Variants in OAS2 observed in about 807,000 individuals in gnomAD.
OAS2 encodes 2'-5'-oligoadenylate synthase 2.
Under a neutral mutation model 71.3 loss-of-function variants are expected in OAS2, and 67 were observed. The observed-to-expected ratio is 0.94, with a 90% CI of 0.77 to 1.15. The LOEUF (loss-of-function observed/expected upper bound fraction) is 1.15, where lower values mean the gene tolerates loss of function less well. Among genes scored for constraint, OAS2 ranks in the 50% most tolerant of loss-of-function variants. The probability of loss-of-function intolerance (pLI) is 0.00; values close to 1 mark genes in which losing one functional copy is unlikely to be tolerated. For missense variants in OAS2, 789 were observed against 822.5 expected (o/e 0.96, Z 0.50); for synonymous variants, 327 against 321.8 (o/e 1.02, Z -0.17).
Position 113,010,567 on chromosome 12 carries a change from A to T in OAS2, c.*1312A>T. 1 of 1,549,856 alleles carries T rather than the reference A, an allele frequency of 6.5e-7. No individual in the cohort carries two copies. The highest frequency in any genetic ancestry group is 1.4e-5 in the African/African-American group (1 of 72,870). The stretch of plus-strand genomic sequence containing the variant: ...ATCCATTCTTCCCTTGATGGTCCCT[A>T]TTCCTCCTTCCCTTGCTTCTTGGAC... On this transcript the variant is annotated 3_prime_UTR_variant, in exon 10 of 10. Coordinates refer to ENST00000392583, the MANE Select transcript of OAS2 (RefSeq NM_002535.3).
intron 2 of OAS2, chr12:112,987,732 G>A (rs12425514): frequency 0.28 from 283,434 of 1,016,368 alleles, 40,293 homozygotes; most frequent in Admixed American, 0.31. Context: ...AGAGTAAGAG[G>A]ATGAGGCAGA....
Position 112,998,246 on chromosome 12 carries a change from T to A in OAS2, c.864-20T>A. On this transcript the variant is annotated intron_variant, in intron 4 of 9. Transcript: ENST00000392583. ...CACAAGCAGCTCAACTGACTTTTTT[T>A]AATCTAATGGAATACACAGGCCAGT... The A allele has an allele frequency of 2.5e-6, 4 of 1,605,074 alleles. No individual in the cohort carries two copies. The highest frequency in any genetic ancestry group is 2.5e-6 in the Non-Finnish European group (3 of 1,177,010).
At chr12:112,996,956 T>G (rs1376828923) in intron 3 of OAS2, among the ~76,000 whole-genome samples, 1 of 152,168 alleles carries the variant, frequency 6.6e-6, no homozygotes, top group Non-Finnish European at 1.5e-5. Flanking sequence ...CAGGGTTCAA[T>G]CCTCAGTTTC....
rs529185320 is a variant in OAS2, at chr12:113,002,781, T to C, written c.1009-151T>C. 4.4e-6 allele frequency: 3 copies of C among 674,650 alleles called. No homozygotes were observed. In the South Asian group the frequency reaches 5.4e-5, roughly 12 times the overall value. The allele number at this position is 674,650 out of a possible 1,614,324, so 41.8% of individuals were successfully genotyped here. A position where few individuals can be genotyped will look rare whatever the true frequency, so the allele number is the denominator to read the frequency against. Reference sequence around the variant, plus strand: ...CTCAGGTGTGTTCTTGGGATGTATTTGTGCAATGACAAAAGACGGAAAAGA... The same window carrying C: ...CTCAGGTGTGTTCTTGGGATGTATTCGTGCAATGACAAAAGACGGAAAAGA... On this transcript the variant is annotated intron_variant, in intron 5 of 9. Transcript: ENST00000392583.
At chr12:113,007,981 T>G in intron 9 of OAS2, 38 bp downstream of exon 9, 1 of 1,445,760 alleles carries the variant, frequency 6.9e-7, no homozygotes, top group East Asian at 2.3e-5. Context: ...CTTAACCTGA[T>G]TCCCTTGAAC....
In OAS2 at chr12:113,009,746, T is replaced by C. The variant is rs967656365; in HGVS notation, c.*491T>C. The C allele has an allele frequency of 1.8e-5, 18 of 987,334 alleles. No individual in the cohort carries two copies. The African/African-American group carries it at 3.1e-4, about 17-fold the overall frequency. The allele number at this position is 987,334 out of a possible 1,614,324, so 61.2% of individuals were successfully genotyped here. A position where few individuals can be genotyped will look rare whatever the true frequency, so the allele number is the denominator to read the frequency against. ...CATCCGCAAATTTTCTTCCATTTCA[T>C]TGCTCAGAAATGTCATGTGGCTACC... On this transcript the variant is annotated 3_prime_UTR_variant, in exon 10 of 10. Coordinates refer to ENST00000392583, the MANE Select transcript of OAS2 (RefSeq NM_002535.3).
intron 7 of OAS2, among the ~76,000 whole-genome samples, chr12:113,005,918 C>CAAAAAAAAAAAAAAAAAAAAA (rs138299398): frequency 8.2e-5 from 4 of 49,044 alleles, no homozygotes; most frequent in African/African-American, 1.2e-4. Context: ...ACAACAACAA[C>CAAAAAAAAAAAAAAAAAAAAA]AAAAAAAAAA....
intron 9 of OAS2, among the ~76,000 whole-genome samples, chr12:113,008,633 T>C (rs1321392881): frequency 1.3e-5 from 2 of 152,132 alleles, no homozygotes; most frequent in Non-Finnish European, 2.9e-5. Flanking sequence ...TTGGCTTTTG[T>C]TTTTGTTTTT....
chr12:112,986,886 C>G, intron 1 of OAS2, 152 bp from the exon 2 acceptor site: 3 of 993,172 alleles, frequency 3.0e-6, no homozygotes, highest in Non-Finnish European at 4.5e-6. Flanking sequence ...TATGAGCATC[C>G]CAATCAGGTC....
rs756675011 is a variant in OAS2 at position 113,005,224 on chromosome 12, T to TA, written c.1468+4dup. 6.8e-6 allele frequency: 11 copies of TA among 1,610,836 alleles called. No individual in the cohort carries two copies. Among genetic ancestry groups the TA allele is most frequent in the Non-Finnish European group, 9.3e-6 (11 of 1,177,878 alleles). ...TGCTTCCTGCCTTTAATGCACTGGG[T>TA]AAGGCTCCCCAGACCTTAGCTTGGA... On this transcript the variant is annotated splice_region_variant and intron_variant, in intron 7 of 9. Coordinates refer to ENST00000392583, the MANE Select transcript of OAS2 (RefSeq NM_002535.3).
chr12:112,983,100 A>G (rs2044098953), intron 1 of OAS2, among the ~76,000 whole-genome samples: 2 of 152,002 alleles, frequency 1.3e-5, no homozygotes, highest in African/African-American at 4.8e-5. Context: ...CGGTTCATCC[A>G]TTTTGTTTAT....
Position 112,997,763 on chromosome 12 carries a change from G to A in OAS2, c.863+8G>A. 6.4e-7 allele frequency: 1 copy of A among 1,557,026 alleles called. No homozygotes were observed. The highest frequency in any genetic ancestry group is 1.4e-5 in the African/African-American group (1 of 73,944). On this transcript the variant is annotated splice_region_variant and intron_variant, in intron 4 of 9. Coordinates refer to ENST00000392583, the MANE Select transcript of OAS2 (RefSeq NM_002535.3). Reference sequence around the variant, plus strand: ...CCAGCTCCAATCAGCGAGGTGCCAAGCTTCTCACACCCTATCCCTGTACCT... The same window carrying A: ...CCAGCTCCAATCAGCGAGGTGCCAAACTTCTCACACCCTATCCCTGTACCT...
In OAS2 at chr12:112,995,311, C is replaced by T; in HGVS notation, c.464C>T (p.Pro155Leu). The change falls in exon 3 of 10, where the codon CCC (proline) becomes CTC (leucine). Residue 155 changes from proline to leucine, a missense_variant. Pro to Leu is a moderately conservative substitution (Grantham distance 98). Coordinates refer to ENST00000392583, the MANE Select transcript of OAS2 (RefSeq NM_002535.3). ...TTCACATCAGGCTTAAATGATAATC[C>T]CAGCCCCTGGATCTATCGAGAGCTC... is the stretch of plus-strand genomic sequence containing the variant. ...AFNALSLNDN[P>L]SPWIYRELKR... The T allele has an allele frequency of 6.2e-7, 1 of 1,607,560 alleles. No individual in the cohort carries two copies. Among genetic ancestry groups the T allele is most frequent in the Non-Finnish European group, 8.5e-7 (1 of 1,177,966 alleles).
In OAS2 at chr12:113,010,897, T is replaced by G. The variant is rs2044374919; in HGVS notation, c.*1642T>G. The G allele has an allele frequency of 6.4e-6, 1 of 155,714 alleles. No individual in the cohort carries two copies. Among genetic ancestry groups the G allele is most frequent in the Admixed American group, 6.4e-5 (1 of 15,514 alleles). The allele number at this position is 155,714 out of a possible 1,614,324, so 9.6% of individuals were successfully genotyped here. A position where few individuals can be genotyped will look rare whatever the true frequency, so the allele number is the denominator to read the frequency against. ...CCACGTCCTGTCTGTTTCCTCTGTA[T>G]ACAAAACCCTTTCTGCCCCTGCTGA... is the stretch of plus-strand genomic sequence containing the variant. On this transcript the variant is annotated 3_prime_UTR_variant, in exon 10 of 10. Coordinates refer to ENST00000392583, the MANE Select transcript of OAS2 (RefSeq NM_002535.3).
chr12:112,986,582 G>A (rs1195151464), intron 1 of OAS2, among the ~76,000 whole-genome samples: 1 of 152,176 alleles, frequency 6.6e-6, no homozygotes, highest in Non-Finnish European at 1.5e-5. Flanking sequence ...AAAGAGGACG[G>A]GTTAATCTCC....
intron 1 of OAS2, among the ~76,000 whole-genome samples, chr12:112,982,551 G>A (rs537697439): frequency 2.1e-4 from 32 of 151,098 alleles, no homozygotes; most frequent in Non-Finnish European, 4.0e-4. Flanking sequence ...TTATCTTTTC[G>A]AAGTATTATT....
At chr12:112,980,016 A>C (rs2044065719) in intron 1 of OAS2, among the ~76,000 whole-genome samples, 1 of 152,166 alleles carries the variant, frequency 6.6e-6, no homozygotes, top group Non-Finnish European at 1.5e-5. Context: ...TCTCTGACCT[A>C]TGATGTTTAT....
At chr12:113,000,248 A>G (rs1482104230) in intron 5 of OAS2, among the ~76,000 whole-genome samples, 4 of 152,230 alleles carry the variant, frequency 2.6e-5, no homozygotes, top group Non-Finnish European at 5.9e-5. Flanking sequence ...AGTCATTCCA[A>G]GAAGGGCCTT....
At chr12:113,008,182 T>C (rs1051497597) in intron 9 of OAS2, among the ~76,000 whole-genome samples, 5 of 152,162 alleles carry the variant, frequency 3.3e-5, no homozygotes, top group Admixed American at 2.6e-4. Flanking sequence ...TGCTTTCATC[T>C]AAGAGGTGTT....
Sources: gnomAD v4.1 joint callset for allele counts (sites outside exome capture counted in the v4.1 genomes callset) on GRCh38, gnomAD v4.1.1 for gene constraint, MANE v1.5 for transcripts, NCBI Gene and HGNC (gene_info 2026-07-23, HGNC 2026-07-21) for gene names.